The following CDH13 variants were observed in gnomAD, a reference collection of about 807,000 sequenced individuals.
CDH13 encodes cadherin-13.
In CDH13, 24 loss-of-function variants were observed where a neutral mutation model predicts 63.8. The observed-to-expected ratio is 0.38, with a 90% CI of 0.27 to 0.53. CDH13 has a LOEUF of 0.53. Among genes scored for constraint, CDH13 ranks in the 20% least tolerant of loss-of-function variants. The pLI, the probability that CDH13 is intolerant of heterozygous loss-of-function variation, is 0.85. For missense variants in CDH13, 1,049 were observed against 903.1 expected (o/e 1.16, Z -2.07); for synonymous variants, 503 against 355.3 (o/e 1.42, Z -4.67).
At chr16:83,212,528 T>C (rs2039369752) in intron 4 of CDH13, among the ~76,000 whole-genome samples, 1 of 152,204 alleles carries the variant, frequency 6.6e-6, no homozygotes, top group Admixed American at 6.5e-5. Context: ...CCAACTCTGC[T>C]TTCTGAGGTC....
intron 1 of CDH13, among the ~76,000 whole-genome samples, chr16:82,767,857 C>A (rs1313085028): frequency 1.3e-5 from 2 of 152,172 alleles, no homozygotes; most frequent in African/African-American, 2.4e-5. Context: ...CACTGAGGGT[C>A]CATGTGCTCA....
intron 8 of CDH13, among the ~76,000 whole-genome samples, chr16:83,605,520 T>C (rs1325348200): frequency 2.6e-5 from 4 of 152,202 alleles, no homozygotes; most frequent in Non-Finnish European, 5.9e-5. Context: ...CATCCCAGTC[T>C]CTTCACCTGT....
At chr16:82,880,998 C>G (rs2040683235) in intron 2 of CDH13, among the ~76,000 whole-genome samples, 3 of 152,166 alleles carry the variant, frequency 2.0e-5, no homozygotes, top group Admixed American at 2.0e-4. Context: ...TGTCTAGTGT[C>G]TCTTCATATT....
At chr16:83,120,767 T>C (rs1463342772) in intron 3 of CDH13, among the ~76,000 whole-genome samples, 3 of 29,252 alleles carry the variant, frequency 1.0e-4, no homozygotes, top group Admixed American at 1.2e-3. Context: ...TTCTTTCTTT[T>C]TTTTTTTTTT....
intron 1 of CDH13, among the ~76,000 whole-genome samples, chr16:82,786,115 TAGGGTGGAGCAGGTGATCAGAATGAGTC>T (rs1393112200): frequency 2.6e-5 from 4 of 152,034 alleles, no homozygotes; most frequent in Non-Finnish European, 4.4e-5. Context: ...CAGAATGAGT[TAGGGTGGAGCAGGTGATCAGAATGAGTC>T]AGGGTGGAGT....
rs1910222501 is a variant in CDH13 at position 82,647,413 on chromosome 16, T to C, written c.45+20276T>C. On this transcript the variant is annotated intron_variant, in intron 1 of 13. Transcript: ENST00000567109. ...GAGGATTTGAGTGCAATAAATTCTC[T>C]TGGGAGGTGGTCCAAGGGGAAGTGT... Among the ~76,000 whole-genome samples the C allele has an allele frequency of 2.0e-5, 3 of 152,246 alleles. No homozygotes were observed. The South Asian group carries it at 6.2e-4, about 32-fold the overall frequency.
chr16:83,435,837 C>G (rs1158531431), intron 6 of CDH13, among the ~76,000 whole-genome samples: 1 of 152,206 alleles, frequency 6.6e-6, no homozygotes, highest in South Asian at 2.1e-4. Flanking sequence ...CTGTCTCCCT[C>G]ATTGTATTGC....
chr16:82,830,782 A>C, intron 1 of CDH13, among the ~76,000 whole-genome samples: 1 of 152,220 alleles, frequency 6.6e-6, no homozygotes, highest in Admixed American at 6.5e-5. Context: ...AAATAGTCTT[A>C]CATGCATATT....
intron 5 of CDH13, among the ~76,000 whole-genome samples, chr16:83,315,728 G>C (rs2090091942): frequency 6.6e-6 from 1 of 151,446 alleles, no homozygotes; most frequent in Admixed American, 6.6e-5. Context: ...TCGGGATCTT[G>C]CATGATTTAA....
intron 5 of CDH13, among the ~76,000 whole-genome samples, chr16:83,296,556 G>C (rs1357863051): frequency 6.6e-6 from 1 of 152,146 alleles, no homozygotes; most frequent in Non-Finnish European, 1.5e-5. Context: ...GAGTGACTTG[G>C]AGGATGTGGT....
At chr16:83,038,198 G>C (rs974546002) in intron 3 of CDH13, among the ~76,000 whole-genome samples, 1 of 152,178 alleles carries the variant, frequency 6.6e-6, no homozygotes, top group Non-Finnish European at 1.5e-5. Flanking sequence ...TTTAGCTGTG[G>C]TAACTGGAGC....
At chr16:82,710,742 A>C (rs1193776726) in intron 1 of CDH13, among the ~76,000 whole-genome samples, 1 of 146,716 alleles carries the variant, frequency 6.8e-6, no homozygotes, top group African/African-American at 2.5e-5. Context: ...TATTAGAAAA[A>C]TATATTTGTA....
intron 5 of CDH13, among the ~76,000 whole-genome samples, chr16:83,310,106 T>A (rs767126496): frequency 6.6e-6 from 1 of 152,232 alleles, no homozygotes. Context: ...TTTCCACATT[T>A]ACTGTGCATT....
At chr16:83,754,493 GCT>G (rs1238443527) in intron 11 of CDH13, among the ~76,000 whole-genome samples, 2 of 152,192 alleles carry the variant, frequency 1.3e-5, no homozygotes, top group East Asian at 3.9e-4. Flanking sequence ...ATACAGTTTG[GCT>G]CTGTGTCCCC....
At chr16:83,234,592 T>G (rs1455295284) in intron 5 of CDH13, among the ~76,000 whole-genome samples, 1 of 152,152 alleles carries the variant, frequency 6.6e-6, no homozygotes, top group Non-Finnish European at 1.5e-5. Flanking sequence ...GGTTCAGGTG[T>G]GGCGTGAGTG....
intron 3 of CDH13, among the ~76,000 whole-genome samples, chr16:83,105,880 G>C (rs2034738928): frequency 6.6e-6 from 1 of 152,200 alleles, no homozygotes; most frequent in African/African-American, 2.4e-5. Flanking sequence ...AGTCAGCGAA[G>C]ATGGTATCCC....
intron 2 of CDH13, among the ~76,000 whole-genome samples, chr16:82,971,832 A>AG (rs1208016067): frequency 5.3e-5 from 8 of 152,072 alleles, no homozygotes; most frequent in Non-Finnish European, 1.2e-4. Context: ...ATCCTATTTG[A>AG]GGGGGGAAGT....
intron 11 of CDH13, among the ~76,000 whole-genome samples, chr16:83,753,898 C>T (rs1422493618): frequency 6.6e-6 from 1 of 151,224 alleles, no homozygotes; most frequent in African/African-American, 2.4e-5. Flanking sequence ...GAAGCATTGA[C>T]AACTAGATAA....
At chr16:83,314,055 A>G (rs577717430) in intron 5 of CDH13, among the ~76,000 whole-genome samples, 1 of 152,336 alleles carries the variant, frequency 6.6e-6, no homozygotes, top group South Asian at 2.1e-4. Context: ...TACACTGTGT[A>G]ATTTACCTGC....
Sources: gnomAD v4.1 joint callset for allele counts (sites outside exome capture counted in the v4.1 genomes callset) on GRCh38, gnomAD v4.1.1 for gene constraint, MANE v1.5 for transcripts, NCBI Gene and HGNC (gene_info 2026-07-23, HGNC 2026-07-21) for gene names.